Variants in BCL2L13 observed in about 807,000 individuals in gnomAD.
The protein encoded by BCL2L13 is bcl-2-like protein 13.
BCL2L13 carries 13 observed loss-of-function variants against 25.8 expected under a neutral mutation model. That is an observed-to-expected ratio of 0.50 (90% CI 0.33 to 0.80). The LOEUF (loss-of-function observed/expected upper bound fraction) is 0.80. Among genes scored for constraint, BCL2L13 ranks in the 30% least tolerant of loss-of-function variants. The pLI is 0.02. For missense variants in BCL2L13, 504 were observed against 574.9 expected (o/e 0.88, Z 1.26); for synonymous variants, 244 against 230.3 (o/e 1.06, Z -0.54).
At chr22:17,628,900 C>T (rs1042789755), upstream of BCL2L13, 1 of 534,550 alleles carries the variant, frequency 1.9e-6, no homozygotes, top group Admixed American at 3.1e-5. Flanking sequence ...GACTCGTGAC[C>T]TGACCGGTAT....
At chr22:17,657,405 T>G (rs1401119904) in intron 2 of BCL2L13, among the ~76,000 whole-genome samples, 1 of 152,236 alleles carries the variant, frequency 6.6e-6, no homozygotes, top group African/African-American at 2.4e-5. Flanking sequence ...AATTGCACAT[T>G]ATGCTGTTTA....
intron 1 of BCL2L13, among the ~76,000 whole-genome samples, chr22:17,651,887 TC>T (rs1024455135): frequency 6.6e-6 from 1 of 152,064 alleles, no homozygotes; most frequent in Non-Finnish European, 1.5e-5. Flanking sequence ...AGACAGGGCT[TC>T]ACTGTGCTAG....
chr22:17,722,413 GTGTGTGTA>G (rs1569017683), intron 6 of BCL2L13, among the ~76,000 whole-genome samples: 12 of 151,336 alleles, frequency 7.9e-5, no homozygotes, highest in African/African-American at 2.9e-4. Flanking sequence ...GTGTGTGTGT[GTGTGTGTA>G]TGTAGAGATG....
chr22:17,639,560 C>G (rs926253496), intron 1 of BCL2L13, among the ~76,000 whole-genome samples: 2 of 152,162 alleles, frequency 1.3e-5, no homozygotes, highest in African/African-American at 4.8e-5. Context: ...ACGGATCTGG[C>G]CAGTTGTTCA....
At position 17,688,980 on chromosome 22, in the gene BCL2L13, CT is replaced by C; in HGVS notation, c.230-4del. Reference sequence around the variant, plus strand: ...ATATTAGGTTTTTCTTTTGTCCTATCTTCAGCCTTCACCAGCACAGGCTTTG... The same window carrying C: ...ATATTAGGTTTTTCTTTTGTCCTATCTCAGCCTTCACCAGCACAGGCTTTG... On this transcript the variant is annotated splice_polypyrimidine_tract_variant and splice_region_variant and intron_variant, in intron 3 of 6. Coordinates refer to ENST00000317582, the MANE Select transcript of BCL2L13 (RefSeq NM_015367.4). The C allele has an allele frequency of 6.2e-7, 1 of 1,610,536 alleles. No individual in the cohort carries two copies.
At chr22:17,654,886 T>C (rs1380543499) in intron 1 of BCL2L13, among the ~76,000 whole-genome samples, 1 of 151,924 alleles carries the variant, frequency 6.6e-6, no homozygotes, top group African/African-American at 2.4e-5. Context: ...CACGCCCAGC[T>C]AATGTTTTAA....
At chr22:17,680,270 G>A (rs2059700658) in intron 2 of BCL2L13, among the ~76,000 whole-genome samples, 1 of 144,490 alleles carries the variant, frequency 6.9e-6, no homozygotes, top group Non-Finnish European at 1.5e-5. Context: ...CAACACTTTG[G>A]GAGGCCGAGG....
At chr22:17,705,142 A>G (rs1485457908) in intron 6 of BCL2L13, among the ~76,000 whole-genome samples, 1 of 151,610 alleles carries the variant, frequency 6.6e-6, no homozygotes, top group Non-Finnish European at 1.5e-5. Context: ...GTGTGGTGGC[A>G]GGCACCTGTA....
intron 4 of BCL2L13, chr22:17,692,220 A>G (rs2060126774): frequency 6.6e-6 from 1 of 152,182 alleles, no homozygotes; most frequent in African/African-American, 2.4e-5. Context: ...CTCTATTCTA[A>G]TAGCTCACTA....
At chr22:17,653,030 A>C (rs1400873753) in intron 1 of BCL2L13, among the ~76,000 whole-genome samples, 1 of 151,976 alleles carries the variant, frequency 6.6e-6, no homozygotes, top group Non-Finnish European at 1.5e-5. Context: ...GCGCCACTGC[A>C]CTCCAGCCTG....
chr22:17,671,458 T>A (rs1009866913), intron 2 of BCL2L13, among the ~76,000 whole-genome samples: 4 of 147,480 alleles, frequency 2.7e-5, no homozygotes, highest in Non-Finnish European at 4.5e-5. Flanking sequence ...TCCCAGCTAC[T>A]CAGGAGGCTG....
intron 1 of BCL2L13, among the ~76,000 whole-genome samples, chr22:17,643,346 C>T (rs980802980): frequency 3.3e-5 from 5 of 151,928 alleles, no homozygotes; most frequent in South Asian, 2.1e-4. Flanking sequence ...TCAGGTGATC[C>T]GCCCGCCTTA....
At chr22:17,689,510 T>A (rs2060041265) in intron 4 of BCL2L13, among the ~76,000 whole-genome samples, 1 of 152,212 alleles carries the variant, frequency 6.6e-6, no homozygotes, top group Non-Finnish European at 1.5e-5. Context: ...TGCGTTGTAA[T>A]GTGGGATTAA....
intron 4 of BCL2L13, among the ~76,000 whole-genome samples, chr22:17,693,372 GTTTTTTTTTTTTTT>G: frequency 1.4e-5 from 1 of 70,608 alleles, no homozygotes; most frequent in South Asian, 5.3e-4. Flanking sequence ...TTTAGTGTTT[GTTTTTTTTTTTTTT>G]TTTTTTTTTT....
intron 2 of BCL2L13, among the ~76,000 whole-genome samples, chr22:17,682,098 A>G (rs5747325): frequency 0.46 from 70,108 of 151,942 alleles, 17,089 homozygotes; most frequent in East Asian, 0.81. Context: ...TGACAGAGGT[A>G]CTGCTTTCAG....
At chr22:17,630,109 T>A (rs2146331455) in intron 1 of BCL2L13, among the ~76,000 whole-genome samples, 1 of 149,570 alleles carries the variant, frequency 6.7e-6, no homozygotes, top group South Asian at 2.1e-4. Context: ...TCCCAGCCAC[T>A]GGAGAGGCTG....
intron 1 of BCL2L13, among the ~76,000 whole-genome samples, chr22:17,640,574 AT>A (rs1223155294): frequency 2.0e-5 from 3 of 151,930 alleles, no homozygotes; most frequent in Non-Finnish European, 4.4e-5. Flanking sequence ...ACAACATTTC[AT>A]TTGGCTGTTT....
rs147262913 is a variant in BCL2L13 at position 17,679,765 on chromosome 22, C to G, written c.122-3449C>G. Among the ~76,000 whole-genome samples the G allele has an allele frequency of 7.7e-4, 117 of 152,164 alleles. 1 individual carries two copies. The highest frequency in any genetic ancestry group is 2.5e-3 in the African/African-American group (105 of 41,502). The stretch of plus-strand genomic sequence containing the variant: ...CCCCCAAATTTGCCCACTTTGAATT[C>G]AGGAGAAACGTTTTGGTCTCCTTTA... On this transcript the variant is annotated intron_variant, in intron 2 of 6. Transcript: ENST00000317582.
In BCL2L13 at chr22:17,655,656, T is replaced by G; in HGVS notation, c.-50-6T>G. ...TAAACTGAAAAAATTACTTTTTTGT[T>G]CTTAGGTTTTACACATCCATAAGTA... On this transcript the variant is annotated splice_region_variant and splice_polypyrimidine_tract_variant and intron_variant, in intron 1 of 6. Coordinates refer to ENST00000317582, the MANE Select transcript of BCL2L13 (RefSeq NM_015367.4). 6.4e-7 allele frequency: 1 copy of G among 1,557,228 alleles called. No homozygotes were observed.
Sources: allele counts gnomAD v4.1 joint callset (sites outside exome capture counted in the v4.1 genomes callset), GRCh38; gene constraint gnomAD v4.1.1; transcripts MANE v1.5; gene names NCBI Gene and HGNC (gene_info 2026-07-23, HGNC 2026-07-21).